The following HNRNPLL variants were observed in gnomAD, a reference collection of about 807,000 sequenced individuals.
HNRNPLL encodes the protein heterogeneous nuclear ribonucleoprotein L-like.
Under a neutral mutation model 67.1 loss-of-function variants are expected in HNRNPLL, and 25 were observed. The observed-to-expected ratio is 0.37, with a 90% CI of 0.27 to 0.52. The LOEUF (loss-of-function observed/expected upper bound fraction) is 0.52. HNRNPLL is among the 20% of genes least tolerant of loss of function. HNRNPLL has a pLI of 0.90. For missense variants in HNRNPLL, 542 were observed against 673.9 expected, an observed-to-expected ratio of 0.80 and a Z score of 2.17; for synonymous variants, 267 against 241.7, an observed-to-expected ratio of 1.10 and a Z score of -0.97.
Position 38,562,065 on chromosome 2 carries a change from G to C in HNRNPLL, c.*2117C>G, listed in dbSNP as rs1665697387. The C allele has an allele frequency of 6.6e-6, 1 of 152,120 alleles. No individual in the cohort carries two copies. Among genetic ancestry groups the C allele is most frequent in the African/African-American group, 2.4e-5 (1 of 41,434 alleles). 9.4% of individuals were successfully genotyped at this position (152,120 alleles called of 1,614,324 possible). On this transcript the variant is annotated 3_prime_UTR_variant, in exon 13 of 13. Transcript: ENST00000449105. ...TATTTTTTTTAAAAACTCAAAGCTA[G>C]TATTATTTCTTTACAGTTCTTAAAT... is the stretch of plus-strand genomic sequence containing the variant.
intron 6 of HNRNPLL, among the ~76,000 whole-genome samples, chr2:38,578,634 C>G (rs1246745887): frequency 1.1e-4 from 16 of 152,002 alleles, no homozygotes. Context: ...CTGAGGCCAT[C>G]TAGTTTAACT....
chr2:38,594,526 C>T (rs1390762114), intron 1 of HNRNPLL, among the ~76,000 whole-genome samples: 1 of 152,138 alleles, frequency 6.6e-6, no homozygotes, highest in Non-Finnish European at 1.5e-5. Context: ...AAACCCTACA[C>T]AGCAAAAAGC....
intron 7 of HNRNPLL, among the ~76,000 whole-genome samples, chr2:38,574,227 G>C (rs1666209860): frequency 6.6e-6 from 1 of 151,826 alleles, no homozygotes; most frequent in African/African-American, 2.4e-5. Context: ...AATAAAGCTA[G>C]AGTGTAGAAT....
chr2:38,599,723 T>A (rs187014316), intron 1 of HNRNPLL, among the ~76,000 whole-genome samples: 2 of 152,234 alleles, frequency 1.3e-5, no homozygotes, highest in Non-Finnish European at 2.9e-5. Context: ...AGAGCCTTTG[T>A]AGAACCACTA....
chr2:38,599,559 C>T (rs965365147), intron 1 of HNRNPLL, among the ~76,000 whole-genome samples: 5 of 152,106 alleles, frequency 3.3e-5, no homozygotes, highest in Non-Finnish European at 5.9e-5. Context: ...GTGAAAAACC[C>T]TAGGAGTTTT....
intron 9 of HNRNPLL, among the ~76,000 whole-genome samples, 182 bp downstream of exon 9, chr2:38,569,622 G>A (rs771693605): frequency 6.6e-6 from 1 of 152,066 alleles, no homozygotes; most frequent in Non-Finnish European, 1.5e-5. Context: ...AGCAGGTATC[G>A]CTAAGCAAAA....
At position 38,582,386 on chromosome 2, in the gene HNRNPLL, A is replaced by G. The variant is rs1666563512; in HGVS notation, c.633-218T>C. Among the ~76,000 whole-genome samples the G allele has an allele frequency of 2.0e-5, 3 of 152,008 alleles. 1 individual carries two copies. The highest frequency in any genetic ancestry group is 4.1e-4 in the South Asian group (2 of 4,828). ...AGTGCAGTGGCGCGACCTGGGCTCAATGCAACCTCCACCTCCCGGGTTCAA... is the reference window on the plus strand; with the variant it reads ...AGTGCAGTGGCGCGACCTGGGCTCAGTGCAACCTCCACCTCCCGGGTTCAA... On this transcript the variant is annotated intron_variant, in intron 4 of 12. Coordinates refer to ENST00000449105, the MANE Select transcript of HNRNPLL (RefSeq NM_138394.4).
intron 1 of HNRNPLL, among the ~76,000 whole-genome samples, chr2:38,597,936 C>T (rs1667271257): frequency 6.6e-6 from 1 of 152,156 alleles, no homozygotes; most frequent in Admixed American, 6.5e-5. Flanking sequence ...ATCCACCTGC[C>T]TCAGCCTCCC....
At chr2:38,587,276 T>C (rs997502505) in intron 2 of HNRNPLL, among the ~76,000 whole-genome samples, 5 of 152,216 alleles carry the variant, frequency 3.3e-5, no homozygotes, top group African/African-American at 1.2e-4. Context: ...TGGAGAATTG[T>C]CAAGATTAGA....
rs146067444 is a variant in HNRNPLL at position 38,591,610 on chromosome 2, G to A, written c.228C>T (p.Pro76=). ...GGSHHKVSVS[P]VVHVRGLCES... is the part of the protein sequence containing the mutation. The stretch of plus-strand genomic sequence containing the variant: ...CACAGAGTCCTCGAACATGGACGAC[G>A]GGTGAAACAGAAACTTTATGATGAC... The change falls in exon 2 of 13, where the codon CCC becomes CCT. Residue 76 remains proline, a synonymous_variant. Coordinates refer to ENST00000449105, the MANE Select transcript of HNRNPLL (RefSeq NM_138394.4). 1.2e-5 allele frequency: 19 copies of A among 1,613,422 alleles called. No individual in the cohort carries two copies. The highest frequency in any genetic ancestry group is 4.5e-5 in the East Asian group (2 of 44,864).
In HNRNPLL at chr2:38,602,853, T is replaced by A; in HGVS notation, c.-227A>T. On this transcript the variant is annotated 5_prime_UTR_variant, in exon 1 of 13. An upstream open reading frame in the 5' UTR loses its in-frame stop. Transcript: ENST00000449105. ...GCTCTGGAGCGGCCGCTCCTCTCAA[T>A]TACCGAGCCAACATTCAGCCTCTCC... is the stretch of plus-strand genomic sequence containing the variant. 6.5e-7 allele frequency: 1 copy of A among 1,549,108 alleles called. No homozygotes were observed. Among genetic ancestry groups the A allele is most frequent in the Non-Finnish European group, 8.7e-7 (1 of 1,146,198 alleles).
At chr2:38,564,266 T>C (rs1194652785) in intron 12 of HNRNPLL, 29 bp from the exon 13 acceptor site, 5 of 1,244,220 alleles carry the variant, frequency 4.0e-6, no homozygotes, top group Non-Finnish European at 5.9e-6. Flanking sequence ...AGTTAATATT[T>C]CACTTCATCA....
intron 3 of HNRNPLL, among the ~76,000 whole-genome samples, chr2:38,585,345 A>AT (rs1663256370): frequency 6.6e-6 from 1 of 152,182 alleles, no homozygotes; most frequent in African/African-American, 2.4e-5. Context: ...CGTGACAGAG[A>AT]TTTTTTGAAC....
At position 38,563,536 on chromosome 2, in the gene HNRNPLL, A is replaced by C. The variant is rs1665737752; in HGVS notation, c.*646T>G. 1.3e-5 allele frequency: 2 copies of C among 152,106 alleles called. No individual in the cohort carries two copies. The highest frequency in any genetic ancestry group is 2.9e-5 in the Non-Finnish European group (2 of 67,966). The allele number at this position is 152,106 out of a possible 1,614,324, so 9.4% of individuals were successfully genotyped here. A position where few individuals can be genotyped will look rare whatever the true frequency, so the allele number is the denominator to read the frequency against. ...TTGTTATAACTTTATAAAATCTCCAAACTGGACTAGAAACAGAGGCATGTC... is the reference window on the plus strand; with the variant it reads ...TTGTTATAACTTTATAAAATCTCCACACTGGACTAGAAACAGAGGCATGTC... On this transcript the variant is annotated 3_prime_UTR_variant, in exon 13 of 13. Coordinates refer to ENST00000449105, the MANE Select transcript of HNRNPLL (RefSeq NM_138394.4).
chr2:38,602,549 C>A lies in HNRNPLL; in HGVS notation c.78G>T (p.Lys26Asn). Residue 26 changes from lysine (K) to asparagine (N), a missense_variant, in exon 1 of 13, where the codon AAG (lysine) becomes AAT (asparagine). By Grantham distance (94) the Lys-to-Asn change is moderately conservative (BLOSUM62 0). Transcript: ENST00000449105. ...REYESQAKRL[K>N]TEEGEIDYSA... is the part of the protein sequence containing the mutation. ...AGTAGTCGATCTCCCCCTCCTCGGT[C>A]TTGAGACGCTTGGCCTGGCTCTCGT... The A allele has an allele frequency of 6.4e-7, 1 of 1,564,508 alleles. No homozygotes were observed. Among genetic ancestry groups the A allele is most frequent in the Non-Finnish European group, 8.7e-7 (1 of 1,155,320 alleles).
chr2:38,600,518 G>A (rs1336358499), intron 1 of HNRNPLL, among the ~76,000 whole-genome samples: 1 of 152,046 alleles, frequency 6.6e-6, no homozygotes, highest in Non-Finnish European at 1.5e-5. Flanking sequence ...CTTGAGCCCA[G>A]GAGTTAAGAG....
At position 38,591,495 on chromosome 2, in the gene HNRNPLL, GTTT is replaced by G. The variant is rs1377670385; in HGVS notation, c.308+32_308+34del. 2.8e-6 allele frequency: 3 copies of G among 1,070,236 alleles called. No individual in the cohort carries two copies. In the African/African-American group the frequency reaches 4.7e-5, roughly 17 times the overall value. The allele number at this position is 1,070,236 out of a possible 1,614,324, so 66.3% of individuals were successfully genotyped here. On this transcript the variant is annotated intron_variant, in intron 2 of 12. Transcript: ENST00000449105. ...AGCAAGCAAGGATTATTCTACCACA[GTTT>G]TCAATCTACATGAAGTCCCTATCAT...
chr2:38,584,044 A>G, intron 3 of HNRNPLL, 118 bp from the exon 4 acceptor site: 1 of 464,848 alleles, frequency 2.2e-6, no homozygotes, highest in Non-Finnish European at 3.9e-6. Flanking sequence ...TCTATTGATT[A>G]ATAAAATTAA....
chr2:38,585,987 C>A, intron 2 of HNRNPLL, 106 bp from the exon 3 acceptor site: 2 of 771,238 alleles, frequency 2.6e-6, no homozygotes, highest in South Asian at 1.5e-5. Flanking sequence ...TGTCAAATCC[C>A]ACAGTATTCT....
Sources: gnomAD v4.1 joint callset for allele counts (sites outside exome capture counted in the v4.1 genomes callset) on GRCh38, gnomAD v4.1.1 for gene constraint, MANE v1.5 for transcripts, NCBI Gene and HGNC (gene_info 2026-07-23, HGNC 2026-07-21) for gene names.